DNAH7: variants seen among roughly 807,000 people sequenced by gnomAD.
DNAH7 encodes axonemal beta dynein heavy chain 7.
In DNAH7, 397 loss-of-function variants were observed where a neutral mutation model predicts 444.6. The observed-to-expected ratio is 0.89, with a 90% confidence interval of 0.82 to 0.97. The LOEUF (loss-of-function observed/expected upper bound fraction) is 0.97. Among genes scored for constraint, DNAH7 ranks in the 50% least tolerant of loss-of-function variants. The probability of loss-of-function intolerance (pLI) is 0.00; values close to 1 mark genes in which losing one functional copy is unlikely to be tolerated. For missense variants in DNAH7, 4,902 were observed against 4,800.8 expected, an observed-to-expected ratio of 1.02 and a Z score of -0.62; for synonymous variants, 1,636 against 1,624.4, an observed-to-expected ratio of 1.01 and a Z score of -0.17.
At chr2:195,863,473 AC>A (rs1217343665) in intron 41 of DNAH7, among the ~76,000 whole-genome samples, 27 of 150,906 alleles carry the variant, frequency 1.8e-4, no homozygotes, top group Non-Finnish European at 2.7e-4. Flanking sequence ...CCTCGTTCCT[AC>A]CCCCCATCCA....
rs529370660 is a variant in DNAH7 at position 195,999,309 on chromosome 2, G to C, written c.1353+1395C>G. The C allele has an allele frequency of 2.4e-4, 166 of 679,230 alleles. No individual in the cohort carries two copies. In the African/African-American group the frequency reaches 2.8e-3, roughly 11 times the overall value. 42.1% of individuals were successfully genotyped at this position (679,230 alleles called of 1,614,324 possible). ...GTAACCACAAGTCTATTTTCACACA[G>C]ATTTGAGTGAATATTCGCACAACCA... is the stretch of plus-strand genomic sequence containing the variant. On this transcript the variant is annotated intron_variant, in intron 12 of 64. Coordinates refer to ENST00000312428, the MANE Select transcript of DNAH7 (RefSeq NM_018897.3).
intron 19 of DNAH7, among the ~76,000 whole-genome samples, chr2:195,948,174 G>A (rs1224625188): frequency 6.6e-6 from 1 of 152,074 alleles, no homozygotes; most frequent in African/African-American, 2.4e-5. Flanking sequence ...TAAGTTCATT[G>A]TAGATTCTGG....
intron 1 of DNAH7, among the ~76,000 whole-genome samples, chr2:196,067,655 TA>T (rs1481276067): frequency 5.9e-5 from 9 of 152,224 alleles, no homozygotes; most frequent in Admixed American, 5.9e-4. Flanking sequence ...GATCTTCACA[TA>T]GTTCTGTTAG....
intron 37 of DNAH7, among the ~76,000 whole-genome samples, chr2:195,876,061 C>T (rs1270736289): frequency 2.0e-5 from 3 of 152,130 alleles, no homozygotes; most frequent in Non-Finnish European, 2.9e-5. Context: ...TACTAATCTT[C>T]GTAGGTTAAT....
At chr2:196,001,594 T>C (rs531006366) in intron 11 of DNAH7, 81 bp downstream of exon 11, 3 of 1,269,862 alleles carry the variant, frequency 2.4e-6, no homozygotes, top group Non-Finnish European at 3.2e-6. Flanking sequence ...CTCTCACTGA[T>C]AGAGATGTTA....
At chr2:195,982,325 A>G (rs1338364317) in intron 15 of DNAH7, among the ~76,000 whole-genome samples, 1 of 152,254 alleles carries the variant, frequency 6.6e-6, no homozygotes, top group African/African-American at 2.4e-5. Context: ...AAAGACAGGC[A>G]ATAACAAAGG....
chr2:195,944,925 C>T (rs924385060), intron 19 of DNAH7, among the ~76,000 whole-genome samples: 6 of 151,948 alleles, frequency 3.9e-5, no homozygotes, highest in Non-Finnish European at 8.8e-5. Flanking sequence ...CCTATTCAAG[C>T]AGCCTCATGG....
chr2:196,064,316 AAAAT>A lies in DNAH7; in HGVS notation c.15+4377_15+4380del, dbSNP rs201123021. ...AGGTGACAGAGTGAGACTCCGTCTC[AAAAT>A]AAATAAATAAATAAATAAATAAATA... On this transcript the variant is annotated intron_variant, in intron 1 of 64. Coordinates refer to ENST00000312428, the MANE Select transcript of DNAH7 (RefSeq NM_018897.3). Among the ~76,000 whole-genome samples the A allele has an allele frequency of 6.8e-4, 34 of 50,178 alleles. No individual in the cohort carries two copies. In the East Asian group the frequency reaches 0.013, roughly 19 times the overall value. 32.9% of individuals were successfully genotyped at this position (50,178 alleles called of 152,430 possible).
At chr2:195,769,754 T>C (rs1175548676) in intron 61 of DNAH7, among the ~76,000 whole-genome samples, 1 of 152,174 alleles carries the variant, frequency 6.6e-6, no homozygotes, top group Admixed American at 6.5e-5. Context: ...CCTTTGTGGA[T>C]AGGTTTGCAT....
chr2:195,871,271 T>C (rs1349774821), intron 40 of DNAH7, among the ~76,000 whole-genome samples: 3 of 152,222 alleles, frequency 2.0e-5, no homozygotes, highest in Non-Finnish European at 4.4e-5. Context: ...TGTAACACAG[T>C]AGCACATTCT....
At chr2:195,747,783 C>G (rs1187586902) in intron 63 of DNAH7, among the ~76,000 whole-genome samples, 3 of 151,956 alleles carry the variant, frequency 2.0e-5, no homozygotes, top group African/African-American at 7.3e-5. Context: ...CAAAATTCAA[C>G]AACCCTTCAT....
intron 5 of DNAH7, among the ~76,000 whole-genome samples, chr2:196,029,041 G>A (rs1695868295): frequency 6.6e-6 from 1 of 152,202 alleles, no homozygotes; most frequent in Non-Finnish European, 1.5e-5. Flanking sequence ...ATCAATAAAT[G>A]TTTGTTAAGT....
intron 8 of DNAH7, 147 bp downstream of exon 8, chr2:196,024,282 G>A (rs190176307): frequency 2.1e-6 from 1 of 473,044 alleles, no homozygotes; most frequent in African/African-American, 2.0e-5. Context: ...ATAAGATGAG[G>A]CATGCCTGTA....
At chr2:195,953,744 C>A (rs757587509) in intron 19 of DNAH7, among the ~76,000 whole-genome samples, 5 of 152,278 alleles carry the variant, frequency 3.3e-5, no homozygotes, top group Admixed American at 1.3e-4. Flanking sequence ...ACACTGTAAG[C>A]CAGTTATATT....
At chr2:196,026,344 A>C (rs1352283738) in intron 7 of DNAH7, among the ~76,000 whole-genome samples, 1 of 152,200 alleles carries the variant, frequency 6.6e-6, no homozygotes, top group African/African-American at 2.4e-5. Context: ...GTTCATTGTT[A>C]ATGCTTACAC....
intron 21 of DNAH7, among the ~76,000 whole-genome samples, chr2:195,928,816 T>G (rs1225947670): frequency 1.3e-5 from 2 of 151,848 alleles, no homozygotes. Flanking sequence ...TCCAACACAT[T>G]TGTGGGAGAG....
chr2:195,868,660 A>G (rs1574616851), intron 40 of DNAH7, among the ~76,000 whole-genome samples: 1 of 146,246 alleles, frequency 6.8e-6, no homozygotes, highest in Admixed American at 7.0e-5. Flanking sequence ...TTGTCTTTTC[A>G]TTTTTTGGAT....
chr2:195,863,777 C>A (rs1341919330), intron 41 of DNAH7, among the ~76,000 whole-genome samples: 2 of 152,160 alleles, frequency 1.3e-5, no homozygotes, highest in Non-Finnish European at 2.9e-5. Flanking sequence ...GCTCCACCTA[C>A]CACTTCCTGA....
chr2:195,931,744 A>G (rs7586491), intron 21 of DNAH7, among the ~76,000 whole-genome samples: 24,609 of 152,058 alleles, frequency 0.16, 2,485 homozygotes, highest in African/African-American at 0.28. Context: ...AATATGTGGC[A>G]TTATTTCTGA....
Sources: allele counts gnomAD v4.1 joint callset (sites outside exome capture counted in the v4.1 genomes callset), GRCh38; gene constraint gnomAD v4.1.1; transcripts MANE v1.5; gene names NCBI Gene and HGNC (gene_info 2026-07-23, HGNC 2026-07-21).